The following PMPCB variants were observed in gnomAD, a reference collection of about 807,000 sequenced individuals.
The protein encoded by PMPCB is mitochondrial-processing peptidase subunit beta.
A neutral mutation model predicts 61.5 loss-of-function variants in PMPCB; 46 were observed. That is an observed-to-expected ratio of 0.75 (90% CI 0.59 to 0.96). The LOEUF (loss-of-function observed/expected upper bound fraction) is 0.96, where lower values mean the gene tolerates loss of function less well. Ranked by LOEUF, PMPCB falls within the 40% of genes least tolerant of loss-of-function variation. PMPCB has a pLI of 0.00. For missense variants in PMPCB, 590 were observed against 602.4 expected (o/e 0.98, Z 0.22); for synonymous variants, 191 against 201.6 (o/e 0.95, Z 0.44).
chr7:103,299,876 C>T (rs1817401715), intron 3 of PMPCB, among the ~76,000 whole-genome samples: 1 of 152,148 alleles, frequency 6.6e-6, no homozygotes, highest in African/African-American at 2.4e-5. Flanking sequence ...TCAAGCCATC[C>T]TCCCACATTT....
downstream of PMPCB, chr7:103,319,525 G>C: frequency 2.4e-6 from 3 of 1,237,404 alleles, no homozygotes; most frequent in Non-Finnish European, 3.5e-6. Flanking sequence ...CCCTGCACTT[G>C]GTGACTTATA....
intron 12 of PMPCB, among the ~76,000 whole-genome samples, chr7:103,326,106 G>A (rs1335536669): frequency 6.6e-6 from 1 of 152,038 alleles, no homozygotes. Context: ...CGCCTCCCGA[G>A]GAGCTGGGAT....
At chr7:103,322,018 G>C in intron 12 of PMPCB, 1 of 1,613,606 alleles carries the variant, frequency 6.2e-7, no homozygotes, top group South Asian at 1.1e-5. Flanking sequence ...AATGCTTGCT[G>C]TCTGACTTCC....
At chr7:103,341,322 T>C in the PMPCB span, among the ~76,000 whole-genome samples, 2 of 152,248 alleles carry the variant, frequency 1.3e-5, no homozygotes, top group African/African-American at 4.8e-5. Context: ...TTCTTTAGCA[T>C]GGTATAAAAA....
At chr7:103,302,783 G>A (rs1164847455) in intron 4 of PMPCB, among the ~76,000 whole-genome samples, 2 of 152,116 alleles carry the variant, frequency 1.3e-5, no homozygotes, top group Admixed American at 6.5e-5. Flanking sequence ...CATGCCTTTA[G>A]TCTTGGCTAC....
rs911168695 is a variant in PMPCB, at chr7:103,309,028, A to G, written c.926A>G (p.Asp309Gly). Residue 309 changes from aspartate to glycine, a missense_variant, in exon 8 of 13, where the codon GAT (aspartate) becomes GGT (glycine). Physicochemically the swap from Asp to Gly is moderately conservative, Grantham distance 94 (BLOSUM62 -1). Coordinates refer to ENST00000249269, the MANE Select transcript of PMPCB (RefSeq NM_004279.3). ...AVEAVGWAHPDTICLMVANTL... is the reference protein window; with the variant it reads ...AVEAVGWAHPGTICLMVANTL... ...GAAGCTGTTGGTTGGGCACATCCAGATACAATCTGTCTCATGGTTGCAAAC... is the reference window on the plus strand; with the variant it reads ...GAAGCTGTTGGTTGGGCACATCCAGGTACAATCTGTCTCATGGTTGCAAAC... 12 of 1,609,622 alleles carry G rather than the reference A, an allele frequency of 7.5e-6. No homozygotes were observed. Among genetic ancestry groups the G allele is most frequent in the Non-Finnish European group, 9.3e-6 (11 of 1,177,612 alleles).
intron 6 of PMPCB, among the ~76,000 whole-genome samples, chr7:103,305,876 G>A (rs1315848989): frequency 1.3e-5 from 2 of 152,170 alleles, no homozygotes; most frequent in Non-Finnish European, 2.9e-5. Flanking sequence ...CAAGAGACTT[G>A]TTAGATGGGT....
intron 12 of PMPCB, chr7:103,319,813 T>G (rs1315927378): frequency 6.2e-7 from 1 of 1,614,064 alleles, no homozygotes; most frequent in Non-Finnish European, 8.5e-7. Flanking sequence ...TTTAACCCGC[T>G]CTGCCTCATT....
chr7:103,344,918 T>G, the PMPCB span: 3 of 555,932 alleles, frequency 5.4e-6, no homozygotes, highest in Admixed American at 6.7e-5. Flanking sequence ...CGCATCAGTT[T>G]TCCTGTAAAA....
the PMPCB span, chr7:103,344,884 T>C: frequency 1.7e-6 from 1 of 580,078 alleles, no homozygotes; most frequent in Non-Finnish European, 3.1e-6. Flanking sequence ...GGAGACCAAG[T>C]CGCACGAGAG....
At chr7:103,334,073 C>T (rs532916144), downstream of PMPCB, among the ~76,000 whole-genome samples, 2 of 151,820 alleles carry the variant, frequency 1.3e-5, no homozygotes, top group Non-Finnish European at 2.9e-5. Context: ...GCCTCAGCCA[C>T]GCGAGTAGCT....
At chr7:103,302,381 T>TA (rs1197852647) in intron 4 of PMPCB, among the ~76,000 whole-genome samples, 1 of 151,962 alleles carries the variant, frequency 6.6e-6, no homozygotes, top group African/African-American at 2.4e-5. Context: ...AATACACATT[T>TA]AAAAAAAAGA....
rs1291796857 is a variant in PMPCB, at chr7:103,304,073, G to T, written c.656+33G>T. 4 of 1,385,332 alleles carry T rather than the reference G, an allele frequency of 2.9e-6. No individual in the cohort carries two copies. In the Admixed American group the frequency reaches 6.0e-5, roughly 21 times the overall value. The allele number at this position is 1,385,332 out of a possible 1,614,324, so 85.8% of individuals were successfully genotyped here. ...TAACAGAATTTCTTGGTGTATAAGG[G>T]AATTTATGAATGTTGAAAATAAACA... On this transcript the variant is annotated intron_variant, in intron 5 of 12. Transcript: ENST00000249269.
chr7:103,324,335 T>C (rs138147731), intron 12 of PMPCB: 4 of 582,296 alleles, frequency 6.9e-6, no homozygotes, highest in Non-Finnish European at 1.0e-5. Context: ...CTTAAAAGTG[T>C]AAATATCACA....
chr7:103,310,616 A>C (rs1021447144), intron 9 of PMPCB, 141 bp downstream of exon 9: 1 of 562,306 alleles, frequency 1.8e-6, no homozygotes, highest in Non-Finnish European at 2.9e-6. Flanking sequence ...CCATGTTTTC[A>C]AAGGTTGCAG....
chr7:103,300,108 A>G, intron 3 of PMPCB, 70 bp from the exon 4 acceptor site: 2 of 1,415,874 alleles, frequency 1.4e-6, no homozygotes, highest in Non-Finnish European at 9.7e-7. Flanking sequence ...CTCCATATTC[A>G]TTATCTGAAG....
chr7:103,337,878 T>A, the PMPCB span: 1 of 1,164,574 alleles, frequency 8.6e-7, no homozygotes, highest in Non-Finnish European at 1.3e-6. Context: ...CCTTGTGTTC[T>A]GGTACCTTAA....
chr7:103,338,421 C>T, the PMPCB span, among the ~76,000 whole-genome samples: 3 of 148,740 alleles, frequency 2.0e-5, no homozygotes, highest in Admixed American at 1.3e-4. Flanking sequence ...CTCAGCCTTC[C>T]AAGTTGCTGG....
chr7:103,339,365 C>T, the PMPCB span, among the ~76,000 whole-genome samples: 1 of 152,198 alleles, frequency 6.6e-6, no homozygotes, highest in African/African-American at 2.4e-5. Context: ...AAGACCTTCT[C>T]CCTCTTATAG....
Sources: allele counts gnomAD v4.1 joint callset (sites outside exome capture counted in the v4.1 genomes callset), GRCh38; gene constraint gnomAD v4.1.1; transcripts MANE v1.5; gene names NCBI Gene and HGNC (gene_info 2026-07-23, HGNC 2026-07-21).